Variants in CDH13 observed in about 807,000 individuals in gnomAD.
The protein encoded by CDH13 is cadherin-13.
Under a neutral mutation model 63.8 loss-of-function variants are expected in CDH13, and 24 were observed. That is an observed-to-expected ratio of 0.38 (90% confidence interval 0.27 to 0.53). CDH13 has a LOEUF of 0.53. CDH13 is among the 20% of genes least tolerant of loss of function. The pLI is 0.85. For missense variants in CDH13, 1,049 were observed against 903.1 expected, an observed-to-expected ratio of 1.16 and a Z score of -2.07; for synonymous variants, 503 against 355.3, an observed-to-expected ratio of 1.42 and a Z score of -4.67.
intron 1 of CDH13, among the ~76,000 whole-genome samples, chr16:82,690,454 C>T (rs767809660): frequency 2.0e-5 from 3 of 152,134 alleles, no homozygotes; most frequent in Non-Finnish European, 4.4e-5. Flanking sequence ...TAGGGCTGGT[C>T]TGTCTTTACA....
At chr16:83,206,546 C>T (rs910395114) in intron 4 of CDH13, among the ~76,000 whole-genome samples, 14 of 152,198 alleles carry the variant, frequency 9.2e-5, no homozygotes, top group Admixed American at 2.0e-4. Flanking sequence ...AGGAAAATGT[C>T]GAGATACATT....
At chr16:83,780,351 A>G in intron 12 of CDH13, 150 bp downstream of exon 12, 1 of 601,666 alleles carries the variant, frequency 1.7e-6, no homozygotes, top group Non-Finnish European at 2.9e-6. Context: ...GAATTTTCCC[A>G]CCAACAAACA....
intron 10 of CDH13, among the ~76,000 whole-genome samples, chr16:83,680,841 TG>T (rs941703664): frequency 2.6e-5 from 4 of 151,976 alleles, no homozygotes; most frequent in African/African-American, 9.7e-5. Flanking sequence ...GAAAAGTCCA[TG>T]GGAACAAAGG....
chr16:82,703,123 C>G (rs527993470), intron 1 of CDH13, among the ~76,000 whole-genome samples: 1 of 152,018 alleles, frequency 6.6e-6, no homozygotes, highest in East Asian at 1.9e-4. Flanking sequence ...ATATAAACCA[C>G]TTATATATTC....
At chr16:83,161,474 T>A (rs1226685433) in intron 4 of CDH13, among the ~76,000 whole-genome samples, 1 of 152,210 alleles carries the variant, frequency 6.6e-6, no homozygotes, top group Admixed American at 6.5e-5. Flanking sequence ...AGTCAGAATG[T>A]AATCAAAGAT....
intron 7 of CDH13, among the ~76,000 whole-genome samples, chr16:83,534,427 C>T (rs992588609): frequency 6.6e-6 from 1 of 152,170 alleles, no homozygotes; most frequent in Non-Finnish European, 1.5e-5. Flanking sequence ...CATTAAATAA[C>T]CTTCTTCAGG....
rs532637982 is a variant in CDH13, at chr16:83,216,334, A to G, written c.484-1011A>G. Among the ~76,000 whole-genome samples, 258 of 137,844 alleles carry G rather than the reference A, an allele frequency of 1.9e-3. 2 individuals are homozygous for G. Among genetic ancestry groups the G allele is most frequent in the Middle Eastern group, 4.2e-3 (1 of 240 alleles). 90.4% of individuals were successfully genotyped at this position (137,844 alleles called of 152,430 possible). Reference sequence around the variant, plus strand: ...TTGGCCATGGCCAGCTTGCTGACTCATTCTATCTCAGTGGTTTCATCCATT... The same window carrying G: ...TTGGCCATGGCCAGCTTGCTGACTCGTTCTATCTCAGTGGTTTCATCCATT... On this transcript the variant is annotated intron_variant, in intron 4 of 13. Coordinates refer to ENST00000567109, the MANE Select transcript of CDH13 (RefSeq NM_001257.5).
chr16:82,629,669 C>T (rs1167436605), intron 1 of CDH13, among the ~76,000 whole-genome samples: 2 of 152,196 alleles, frequency 1.3e-5, no homozygotes, highest in Non-Finnish European at 2.9e-5. Flanking sequence ...CCATCAATCT[C>T]TGTAAGCTTA....
chr16:83,422,968 C>G (rs573815531), intron 6 of CDH13, among the ~76,000 whole-genome samples: 2 of 152,096 alleles, frequency 1.3e-5, no homozygotes, highest in Non-Finnish European at 2.9e-5. Context: ...ATGCCAAATA[C>G]TAGGAATACA....
At chr16:83,033,592 C>A (rs997232493) in intron 3 of CDH13, among the ~76,000 whole-genome samples, 1 of 152,136 alleles carries the variant, frequency 6.6e-6, no homozygotes, top group African/African-American at 2.4e-5. Context: ...TCGTGCTTCT[C>A]GTTTGCCAGG....
At position 83,020,087 on chromosome 16, in the gene CDH13, C is replaced by G. The variant is rs1198625315; in HGVS notation, c.158-11923C>G. Reference sequence around the variant, plus strand: ...CTTTTTCAGCTCCGTTATCATCTTACGGGATTGCTATCATATATGTGTTCC... The same window carrying G: ...CTTTTTCAGCTCCGTTATCATCTTAGGGGATTGCTATCATATATGTGTTCC... On this transcript the variant is annotated intron_variant, in intron 2 of 13. Coordinates refer to ENST00000567109, the MANE Select transcript of CDH13 (RefSeq NM_001257.5). Among the ~76,000 whole-genome samples the G allele has an allele frequency of 2.0e-5, 3 of 152,240 alleles. 1 individual carries two copies. The South Asian group carries it at 6.2e-4, about 32-fold the overall frequency.
intron 1 of CDH13, among the ~76,000 whole-genome samples, chr16:82,671,414 C>T (rs918089142): frequency 2.0e-5 from 3 of 152,166 alleles, no homozygotes; most frequent in African/African-American, 7.2e-5. Flanking sequence ...TCCTGATGTT[C>T]AAGGGAGTAA....
At chr16:83,405,470 T>C (rs2092028306) in intron 6 of CDH13, among the ~76,000 whole-genome samples, 1 of 152,162 alleles carries the variant, frequency 6.6e-6, no homozygotes, top group Admixed American at 6.5e-5. Context: ...GCTTTGAAGT[T>C]GGAGGAAGAG....
chr16:83,172,804 A>G (rs1457649593), intron 4 of CDH13, among the ~76,000 whole-genome samples: 1 of 152,062 alleles, frequency 6.6e-6, no homozygotes, highest in Non-Finnish European at 1.5e-5. Flanking sequence ...AAAGAAAACA[A>G]AGAAGGCTAA....
chr16:82,959,331 G>T (rs1421961888), intron 2 of CDH13, among the ~76,000 whole-genome samples: 1 of 152,206 alleles, frequency 6.6e-6, no homozygotes, highest in Admixed American at 6.5e-5. Context: ...TTTGGCAGGG[G>T]AGGGGGCTGG....
chr16:82,873,514 G>T (rs560833818), intron 2 of CDH13, among the ~76,000 whole-genome samples: 1 of 152,138 alleles, frequency 6.6e-6, no homozygotes, highest in African/African-American at 2.4e-5. Flanking sequence ...GGACAGTGGT[G>T]TGGGCTCCTA....
At chr16:83,260,404 TA>T (rs1906842905) in intron 5 of CDH13, among the ~76,000 whole-genome samples, 1 of 152,220 alleles carries the variant, frequency 6.6e-6, no homozygotes, top group Non-Finnish European at 1.5e-5. Context: ...TTAAATTTTT[TA>T]TTAGTATCTA....
chr16:82,858,542 T>A (rs771017937), intron 2 of CDH13, 69 bp downstream of exon 2: 10 of 950,838 alleles, frequency 1.1e-5, no homozygotes, highest in Non-Finnish European at 1.7e-5. Flanking sequence ...TTTATGACTG[T>A]GTCTCAGGAT....
At chr16:83,555,782 T>C (rs1343353810) in intron 7 of CDH13, among the ~76,000 whole-genome samples, 2 of 152,252 alleles carry the variant, frequency 1.3e-5, no homozygotes, top group Non-Finnish European at 2.9e-5. Context: ...GGATAGTCTG[T>C]CTGCTCCCAA....
Sources: allele counts gnomAD v4.1 joint callset (sites outside exome capture counted in the v4.1 genomes callset), GRCh38; gene constraint gnomAD v4.1.1; transcripts MANE v1.5; gene names NCBI Gene and HGNC (gene_info 2026-07-23, HGNC 2026-07-21).